LAMP3: variants seen among roughly 807,000 people sequenced by gnomAD.
LAMP3 encodes lysosome associated membrane protein 3.
LAMP3 carries 26 observed loss-of-function variants against 34.8 expected under a neutral mutation model. The ratio of observed to expected loss-of-function variants is 0.75; its 90% CI spans 0.55 to 1.04. The LOEUF (loss-of-function observed/expected upper bound fraction) is 1.04, where lower values mean the gene tolerates loss of function less well. Among genes scored for constraint, LAMP3 ranks in the 50% least tolerant of loss-of-function variants. The pLI, the probability that LAMP3 is intolerant of heterozygous loss-of-function variation, is 0.00. For synonymous variants in LAMP3, 180 were observed against 201.9 expected, an observed-to-expected ratio of 0.89 and a Z score of 0.92; for missense variants, 495 against 524.0, an observed-to-expected ratio of 0.94 and a Z score of 0.54.
At chr3:183,149,919 G>A (rs960261095) in intron 3 of LAMP3, among the ~76,000 whole-genome samples, 2 of 152,082 alleles carry the variant, frequency 1.3e-5, no homozygotes, top group African/African-American at 4.8e-5. Flanking sequence ...AAATGCGTAA[G>A]TTCCTGGGAT....
intron 5 of LAMP3, among the ~76,000 whole-genome samples, chr3:183,133,255 G>A (rs1719981337): frequency 6.6e-6 from 1 of 152,164 alleles, no homozygotes; most frequent in African/African-American, 2.4e-5. Context: ...CTGCTTCCAG[G>A]CAGATCCAAC....
chr3:183,127,764 T>A (rs1719816411), intron 5 of LAMP3, among the ~76,000 whole-genome samples: 2 of 152,214 alleles, frequency 1.3e-5, no homozygotes, highest in Admixed American at 1.3e-4. Flanking sequence ...AAACAATCTT[T>A]GACCTTGATC....
At chr3:183,156,364 A>AAACAACAACAACAACAACAAC (rs10663850) in intron 1 of LAMP3, among the ~76,000 whole-genome samples, 2 of 151,154 alleles carry the variant, frequency 1.3e-5, no homozygotes, top group African/African-American at 4.9e-5. Flanking sequence ...GCTGTCTCAA[A>AAACAACAACAACAACAACAAC]AACAACAACA....
intron 3 of LAMP3, among the ~76,000 whole-genome samples, chr3:183,148,001 G>C (rs1720497378): frequency 6.6e-6 from 1 of 152,158 alleles, no homozygotes; most frequent in Non-Finnish European, 1.5e-5. Context: ...ACAGGTGTGA[G>C]TCACCACTCC....
chr3:183,163,295 G>T (rs778218467), upstream of LAMP3, among the ~76,000 whole-genome samples: 1 of 46,430 alleles, frequency 2.2e-5, no homozygotes, highest in Non-Finnish European at 3.3e-5. Flanking sequence ...TATTTCTTTT[G>T]TTTTGTTTTG....
At position 183,153,815 on chromosome 3, in the gene LAMP3, G is replaced by C; in HGVS notation, c.626C>G (p.Ser209Cys). 1 of 1,599,388 alleles carries C rather than the reference G, an allele frequency of 6.3e-7. No homozygotes were observed. The highest frequency in any genetic ancestry group is 1.7e-4 in the Middle Eastern group (1 of 5,986). Residue 209 changes from serine to cysteine, a missense_variant, in exon 2 of 6, where the codon TCC becomes TGC. Ser to Cys is a moderately radical substitution (Grantham distance 112). Transcript: ENST00000265598. ...TGCAAGGGTGGGCCCAGGAACCGTG[G>C]AGGCAGGTGCAGCTGTGCGGGTGGT... ...HNTTRTAAPA[S>C]TVPGPTLAPQ...
intron 4 of LAMP3, 152 bp from the exon 5 acceptor site, chr3:183,136,039 C>T: frequency 1.5e-6 from 1 of 672,496 alleles, no homozygotes; most frequent in Non-Finnish European, 2.6e-6. Flanking sequence ...GAAAAAACAC[C>T]CTGGTGCGGT....
At chr3:183,150,176 T>G (rs1041018852) in intron 3 of LAMP3, among the ~76,000 whole-genome samples, 3 of 152,182 alleles carry the variant, frequency 2.0e-5, no homozygotes, top group Admixed American at 2.0e-4. Flanking sequence ...TGGCTCTTTC[T>G]GGACACTCAT....
At chr3:183,132,281 TG>T (rs996065277) in intron 5 of LAMP3, 1 of 936,150 alleles carries the variant, frequency 1.1e-6, no homozygotes, top group African/African-American at 1.8e-5. Context: ...GAGTAGGATA[TG>T]TTTTTTTAAA....
chr3:183,152,227 T>C (rs1000997181), intron 3 of LAMP3, 148 bp downstream of exon 3: 4 of 863,562 alleles, frequency 4.6e-6, no homozygotes, highest in Non-Finnish European at 6.9e-6. Context: ...CATAAGATGT[T>C]GACACTTCCT....
intron 3 of LAMP3, among the ~76,000 whole-genome samples, chr3:183,145,398 G>A (rs946489872): frequency 2.6e-5 from 4 of 152,242 alleles, no homozygotes; most frequent in East Asian, 1.9e-4. Flanking sequence ...ATAAGCACTC[G>A]TTGGCTCCAT....
In LAMP3 at chr3:183,135,902, G is replaced by A. The variant is rs552862278; in HGVS notation, c.947-15C>T. ...GTAAATTGTCTCTGAAAAGGTGACA[G>A]ATAGATGCATAAGAGTCCTGAGATG... On this transcript the variant is annotated splice_polypyrimidine_tract_variant and intron_variant, in intron 4 of 5. Coordinates refer to ENST00000265598, the MANE Select transcript of LAMP3 (RefSeq NM_014398.4). The A allele has an allele frequency of 1.7e-5, 27 of 1,604,918 alleles. No homozygotes were observed. Among genetic ancestry groups the A allele is most frequent in the Admixed American group, 8.3e-5 (5 of 60,008 alleles).
At chr3:183,142,503 C>T (rs1393030856) in intron 3 of LAMP3, among the ~76,000 whole-genome samples, 5 of 151,768 alleles carry the variant, frequency 3.3e-5, no homozygotes, top group Non-Finnish European at 7.4e-5. Context: ...CATTGCCTCA[C>T]TTGATCCTTA....
At chr3:183,158,965 C>T (rs1720899878) in intron 1 of LAMP3, among the ~76,000 whole-genome samples, 1 of 151,822 alleles carries the variant, frequency 6.6e-6, no homozygotes, top group African/African-American at 2.4e-5. Flanking sequence ...GTGGCATGCT[C>T]AGGGCTCACT....
intron 3 of LAMP3, among the ~76,000 whole-genome samples, chr3:183,141,895 G>A (rs765813331): frequency 1.3e-5 from 2 of 152,172 alleles, no homozygotes; most frequent in African/African-American, 2.4e-5. Context: ...CCTAAGAGGT[G>A]GCAGGGGAAG....
At position 183,122,523 on chromosome 3, in the gene LAMP3, T is replaced by A. The variant is rs1719694154; in HGVS notation, c.*1558A>T. ...GATATGAAGTGCAGAAGCAGCAAGT[T>A]ACCACAAGATGGGGCTATACACTCA... On this transcript the variant is annotated 3_prime_UTR_variant, in exon 6 of 6. Transcript: ENST00000265598. The A allele has an allele frequency of 6.6e-6, 1 of 152,200 alleles. No homozygotes were observed. Among genetic ancestry groups the A allele is most frequent in the African/African-American group, 2.4e-5 (1 of 41,450 alleles). The allele number at this position is 152,200 out of a possible 1,614,324, so 9.4% of individuals were successfully genotyped here.
At chr3:183,131,875 C>T (rs1719934085) in intron 5 of LAMP3, 2 of 945,684 alleles carry the variant, frequency 2.1e-6, no homozygotes, top group Non-Finnish European at 2.5e-6. Flanking sequence ...CATCCTAAGC[C>T]ATATTTTAAT....
chr3:183,130,845 T>C (rs1481896825), intron 5 of LAMP3, among the ~76,000 whole-genome samples: 5 of 152,196 alleles, frequency 3.3e-5, no homozygotes, highest in African/African-American at 9.7e-5. Flanking sequence ...CCCACTCTTT[T>C]TTTTTTCCTC....
chr3:183,160,684 G>A (rs546223168), intron 1 of LAMP3, among the ~76,000 whole-genome samples: 8 of 152,278 alleles, frequency 5.3e-5, no homozygotes, highest in African/African-American at 1.9e-4. Flanking sequence ...GACTAAATAA[G>A]TTATAGGTAA....
Sources: gnomAD v4.1 joint callset for allele counts (sites outside exome capture counted in the v4.1 genomes callset) on GRCh38, gnomAD v4.1.1 for gene constraint, MANE v1.5 for transcripts, NCBI Gene and HGNC (gene_info 2026-07-23, HGNC 2026-07-21) for gene names.